KIAA1217: variants seen among roughly 807,000 people sequenced by gnomAD.
KIAA1217 encodes KIAA1217.
KIAA1217 carries 88 observed loss-of-function variants against 163.9 expected under a neutral mutation model. The observed-to-expected ratio is 0.54, with a 90% confidence interval of 0.45 to 0.64. KIAA1217 has a LOEUF of 0.64. Ranked by LOEUF, KIAA1217 falls within the 30% of genes least tolerant of loss-of-function variation. The probability of loss-of-function intolerance (pLI) is 0.00; values close to 1 mark genes in which losing one functional copy is unlikely to be tolerated. For missense variants in KIAA1217, 2,372 were observed against 2,475.0 expected (o/e 0.96, Z 0.88); for synonymous variants, 903 against 923.1 (o/e 0.98, Z 0.39).
Position 24,473,537 on chromosome 10 carries a change from A to G in KIAA1217, c.1156A>G (p.Met386Val), listed in dbSNP as rs574446388. ...AGACATGAGTGGCAAAAACATTGCAATGTACAGAAATGAGGGTTTCTATGC... is the reference window on the plus strand; with the variant it reads ...AGACATGAGTGGCAAAAACATTGCAGTGTACAGAAATGAGGGTTTCTATGC... ...DEDMSGKNIA[M>V]YRNEGFYADP... The change falls in exon 6 of 21, where the codon ATG (methionine) becomes GTG (valine). Residue 386 changes from methionine to valine, a missense_variant. Physicochemically the swap from Met to Val is conservative, Grantham distance 21. Coordinates refer to ENST00000376454, the MANE Select transcript of KIAA1217 (RefSeq NM_019590.5). 20 of 1,614,126 alleles carry G rather than the reference A, an allele frequency of 1.2e-5. 1 individual carries two copies. The South Asian group carries it at 2.2e-4, about 18-fold the overall frequency.
chr10:23,931,362 G>T (rs1444149051), intron 1 of KIAA1217, among the ~76,000 whole-genome samples: 1 of 152,072 alleles, frequency 6.6e-6, no homozygotes, highest in East Asian at 1.9e-4. Flanking sequence ...GGGGACTTTG[G>T]TGTGTCCTCC....
intron 2 of KIAA1217, among the ~76,000 whole-genome samples, chr10:24,126,956 T>C (rs993089296): frequency 2.0e-5 from 3 of 152,182 alleles, no homozygotes; most frequent in Admixed American, 1.3e-4. Context: ...CCTGGGTCTC[T>C]CTTTTTGTTT....
intron 1 of KIAA1217, among the ~76,000 whole-genome samples, chr10:23,903,824 C>T (rs578078498): frequency 6.6e-6 from 1 of 152,206 alleles, no homozygotes; most frequent in Admixed American, 6.5e-5. Flanking sequence ...CACTTTCTAG[C>T]CCTGGCACTT....
intron 2 of KIAA1217, among the ~76,000 whole-genome samples, chr10:24,076,648 C>T (rs1314487092): frequency 6.6e-6 from 1 of 152,102 alleles, no homozygotes; most frequent in East Asian, 1.9e-4. Context: ...TCAAAAATGC[C>T]AGAGTTGCAA....
At chr10:24,479,119 A>G (rs976543276) in intron 6 of KIAA1217, among the ~76,000 whole-genome samples, 1 of 152,226 alleles carries the variant, frequency 6.6e-6, no homozygotes. Context: ...TTCTATTATG[A>G]TTTTTGAGGC....
At chr10:24,404,893 T>C (rs1383960587) in intron 3 of KIAA1217, among the ~76,000 whole-genome samples, 2 of 152,352 alleles carry the variant, frequency 1.3e-5, no homozygotes, top group East Asian at 3.9e-4. Flanking sequence ...GTTTACATAC[T>C]GTACCATTCC....
intron 1 of KIAA1217, among the ~76,000 whole-genome samples, chr10:23,810,873 CAG>C (rs1836991325): frequency 8.3e-6 from 1 of 120,178 alleles, no homozygotes; most frequent in African/African-American, 3.3e-5. Flanking sequence ...ATATACTATA[CAG>C]TATAGTATAC....
chr10:23,771,107 A>G (rs548875725), intron 1 of KIAA1217, among the ~76,000 whole-genome samples: 2 of 152,332 alleles, frequency 1.3e-5, no homozygotes, highest in South Asian at 2.1e-4. Flanking sequence ...AATGATTATG[A>G]CATGGTTCAT....
chr10:24,104,487 A>G (rs188901538), intron 2 of KIAA1217, among the ~76,000 whole-genome samples: 68 of 152,326 alleles, frequency 4.5e-4, no homozygotes, highest in Admixed American at 3.3e-4. Context: ...AGTAAAAAAA[A>G]GATCAGTGGT....
chr10:23,927,624 T>G (rs1241549881), intron 1 of KIAA1217, among the ~76,000 whole-genome samples: 1 of 152,180 alleles, frequency 6.6e-6, no homozygotes, highest in African/African-American at 2.4e-5. Context: ...GGTGATGCAC[T>G]AGGCTTTTGG....
chr10:24,344,499 G>T (rs1210040899), intron 2 of KIAA1217, among the ~76,000 whole-genome samples: 1 of 152,154 alleles, frequency 6.6e-6, no homozygotes, highest in Non-Finnish European at 1.5e-5. Context: ...GAGGTTTTGG[G>T]GTAGAGTCCA....
chr10:24,501,951 G>A (rs1032992673), intron 9 of KIAA1217, among the ~76,000 whole-genome samples: 5 of 151,808 alleles, frequency 3.3e-5, no homozygotes, highest in South Asian at 2.1e-4. Flanking sequence ...GGGTTTCACC[G>A]TGTTAGCCAG....
Position 24,361,982 on chromosome 10 carries a change from CAAAAAAAAAAAAAA to C in KIAA1217, c.355-18878_355-18865del, listed in dbSNP as rs68117028. ...TGGGCGACACAGCGAGACTCTGTCT[CAAAAAAAAAAAAAA>C]AAAAAAAAGAAAGAAAGAAAAAGAA... On this transcript the variant is annotated intron_variant, in intron 2 of 20. Transcript: ENST00000376454. Among the ~76,000 whole-genome samples the C allele has an allele frequency of 5.0e-5, 5 of 100,574 alleles. No individual in the cohort carries two copies. In the East Asian group the frequency reaches 7.9e-4, roughly 16 times the overall value. 66.0% of individuals were successfully genotyped at this position (100,574 alleles called of 152,430 possible).
chr10:24,298,708 GA>G (rs1195974687), intron 2 of KIAA1217, among the ~76,000 whole-genome samples: 1 of 152,164 alleles, frequency 6.6e-6, no homozygotes, highest in African/African-American at 2.4e-5. Context: ...TGAGGCAGGA[GA>G]ATCACTTGAA....
intron 1 of KIAA1217, among the ~76,000 whole-genome samples, chr10:24,003,405 A>T (rs1564602671): frequency 6.6e-6 from 1 of 152,094 alleles, no homozygotes; most frequent in African/African-American, 2.4e-5. Flanking sequence ...CATTTCACTG[A>T]TAATTAGTGA....
intron 2 of KIAA1217, among the ~76,000 whole-genome samples, chr10:24,108,522 G>A (rs760653406): frequency 6.6e-6 from 1 of 152,142 alleles, no homozygotes; most frequent in Non-Finnish European, 1.5e-5. Context: ...AATAGCAAGA[G>A]AAAAGAAACC....
chr10:24,061,554 T>TATTTCTTGTAAGAA (rs1057180768), intron 2 of KIAA1217, among the ~76,000 whole-genome samples: 2 of 152,226 alleles, frequency 1.3e-5, no homozygotes, highest in African/African-American at 4.8e-5. Flanking sequence ...AACTCTTTAG[T>TATTTCTTGTAAGAA]ATTTCTTGTA....
At chr10:23,998,820 T>C (rs1217524875) in intron 1 of KIAA1217, among the ~76,000 whole-genome samples, 1 of 152,202 alleles carries the variant, frequency 6.6e-6, no homozygotes, top group Non-Finnish European at 1.5e-5. Context: ...ACAAGCATGG[T>C]TCGTATTGAG....
At chr10:24,426,912 C>A (rs2059219039) in intron 3 of KIAA1217, among the ~76,000 whole-genome samples, 1 of 152,066 alleles carries the variant, frequency 6.6e-6, no homozygotes, top group Non-Finnish European at 1.5e-5. Context: ...TGGTGAATAT[C>A]CTTGGATACC....
Sources: allele counts gnomAD v4.1 joint callset (sites outside exome capture counted in the v4.1 genomes callset), GRCh38; gene constraint gnomAD v4.1.1; transcripts MANE v1.5; gene names NCBI Gene and HGNC (gene_info 2026-07-23, HGNC 2026-07-21).